The following ZMAT5 variants were observed in gnomAD, a reference collection of about 807,000 sequenced individuals.
The protein encoded by ZMAT5 is zinc finger matrin-type 5.
A neutral mutation model predicts 28.0 loss-of-function variants in ZMAT5; 23 were observed. The ratio of observed to expected loss-of-function variants is 0.82; its 90% CI spans 0.59 to 1.16. The LOEUF (loss-of-function observed/expected upper bound fraction) is 1.16, where lower values mean the gene tolerates loss of function less well. Among genes scored for constraint, ZMAT5 ranks in the 50% most tolerant of loss-of-function variants. The pLI is 0.00. For missense variants in ZMAT5, 173 were observed against 212.7 expected (o/e 0.81, Z 1.16); for synonymous variants, 76 against 84.1 (o/e 0.90, Z 0.52).
chr22:29,734,128 TG>T (rs2067881357), intron 5 of ZMAT5, among the ~76,000 whole-genome samples: 1 of 152,272 alleles, frequency 6.6e-6, no homozygotes, highest in South Asian at 2.1e-4. Context: ...AGTCGCAAAC[TG>T]AAGAGCCAAC....
At chr22:29,747,365 C>T (rs547995485) in intron 2 of ZMAT5, 21 of 152,380 alleles carry the variant, frequency 1.4e-4, no homozygotes, top group African/African-American at 3.6e-4. Context: ...AATCTTCCCA[C>T]CTCAGTGTCC....
Position 29,731,163 on chromosome 22 carries a change from T to C in ZMAT5, c.*62A>G. The C allele has an allele frequency of 7.0e-7, 1 of 1,435,308 alleles. No individual in the cohort carries two copies. The highest frequency in any genetic ancestry group is 1.6e-5 in the South Asian group (1 of 61,088). The allele number at this position is 1,435,308 out of a possible 1,614,324, so 88.9% of individuals were successfully genotyped here. ...CATGGGGCGTAGCAGGAACCGGGCT[T>C]GGCTTCCTATTGTGACTGATGAGAA... On this transcript the variant is annotated 3_prime_UTR_variant, in exon 6 of 6. Coordinates refer to ENST00000344318, the MANE Select transcript of ZMAT5 (RefSeq NM_001003692.2).
chr22:29,754,862 C>A (rs1480723554), intron 1 of ZMAT5, among the ~76,000 whole-genome samples: 1 of 152,230 alleles, frequency 6.6e-6, no homozygotes, highest in East Asian at 1.9e-4. Flanking sequence ...GTGACAGAGA[C>A]CCTGTCTCAA....
chr22:29,738,018 C>G (rs2067922881), intron 5 of ZMAT5, among the ~76,000 whole-genome samples: 1 of 152,020 alleles, frequency 6.6e-6, no homozygotes, highest in Non-Finnish European at 1.5e-5. Context: ...TGCATGGTGA[C>G]CACAGCCCAG....
At chr22:29,765,144 C>G (rs131289) in intron 1 of ZMAT5, among the ~76,000 whole-genome samples, 40,366 of 152,048 alleles carry the variant, frequency 0.27, 6,813 homozygotes, top group Non-Finnish European at 0.39. Flanking sequence ...GTCAGCTGGA[C>G]GCGGTGGCTC....
At chr22:29,764,477 CAGAGCCAGGCCT>C (rs1400314000) in intron 1 of ZMAT5, among the ~76,000 whole-genome samples, 17 of 152,154 alleles carry the variant, frequency 1.1e-4, no homozygotes, top group Non-Finnish European at 2.5e-4. Flanking sequence ...GAGTCAGAGG[CAGAGCCAGGCCT>C]GCAATCCAAT....
At chr22:29,760,187 C>T (rs529627733) in intron 1 of ZMAT5, among the ~76,000 whole-genome samples, 3 of 148,848 alleles carry the variant, frequency 2.0e-5, no homozygotes, top group East Asian at 4.0e-4. Flanking sequence ...GGCAACAGAG[C>T]GAGATTCCGT....
chr22:29,741,341 A>G (rs1237992096), intron 3 of ZMAT5, among the ~76,000 whole-genome samples: 1 of 152,132 alleles, frequency 6.6e-6, no homozygotes, highest in Non-Finnish European at 1.5e-5. Flanking sequence ...CATCAAGGCA[A>G]AGTCTGTAGG....
At chr22:29,752,238 C>G (rs2068061311) in intron 1 of ZMAT5, among the ~76,000 whole-genome samples, 1 of 152,194 alleles carries the variant, frequency 6.6e-6, no homozygotes, top group East Asian at 1.9e-4. Context: ...GTCCCAAACA[C>G]CAGCCCACCA....
chr22:29,731,635 A>C, intron 5 of ZMAT5: 4 of 387,364 alleles, frequency 1.0e-5, no homozygotes, highest in Non-Finnish European at 1.8e-5. Flanking sequence ...TTCAATACAT[A>C]TGCACGTCCA....
chr22:29,752,134 C>G (rs2068060525), intron 1 of ZMAT5, among the ~76,000 whole-genome samples: 1 of 152,124 alleles, frequency 6.6e-6, no homozygotes, highest in Non-Finnish European at 1.5e-5. Context: ...ATGAGGGGCC[C>G]CAGCTCACAC....
At chr22:29,743,596 A>G (rs1601720545) in intron 2 of ZMAT5, among the ~76,000 whole-genome samples, 1 of 151,886 alleles carries the variant, frequency 6.6e-6, no homozygotes, top group Admixed American at 6.6e-5. Flanking sequence ...ATGCCCGGCT[A>G]ATTTTTTAAT....
At chr22:29,751,782 T>C (rs1056252456) in intron 1 of ZMAT5, among the ~76,000 whole-genome samples, 1 of 152,032 alleles carries the variant, frequency 6.6e-6, no homozygotes, top group Non-Finnish European at 1.5e-5. Context: ...GCCTGGGCAA[T>C]AGAGTGAAAC....
intron 1 of ZMAT5, among the ~76,000 whole-genome samples, chr22:29,754,601 T>C (rs1935182585): frequency 6.6e-6 from 1 of 152,206 alleles, no homozygotes; most frequent in African/African-American, 2.4e-5. Context: ...CCAGCTGCAA[T>C]GGCTCAGGCC....
At chr22:29,731,414 C>T (rs2067842695) in intron 5 of ZMAT5, 60 bp from the exon 6 acceptor site, 2 of 1,510,938 alleles carry the variant, frequency 1.3e-6, no homozygotes, top group Middle Eastern at 1.7e-4. Context: ...GCTTATGCCA[C>T]CCCCAGCCCA....
At chr22:29,754,748 C>T (rs534597621) in intron 1 of ZMAT5, among the ~76,000 whole-genome samples, 1 of 152,136 alleles carries the variant, frequency 6.6e-6, no homozygotes, top group South Asian at 2.1e-4. Context: ...GTGGTACATA[C>T]CTGTAGTCCC....
At chr22:29,760,796 G>GCATCAA (rs2068149997) in intron 1 of ZMAT5, among the ~76,000 whole-genome samples, 1 of 152,072 alleles carries the variant, frequency 6.6e-6, no homozygotes, top group African/African-American at 2.4e-5. Flanking sequence ...TCACTGAAGT[G>GCATCAA]GTAATCCAAC....
At chr22:29,766,767 AC>A (rs2068217638) in intron 1 of ZMAT5, 104 bp downstream of exon 1, 1 of 152,532 alleles carries the variant, frequency 6.6e-6, no homozygotes, top group African/African-American at 2.4e-5. Flanking sequence ...GGTGCAGGGG[AC>A]AAGGCGAAGA....
intron 1 of ZMAT5, among the ~76,000 whole-genome samples, chr22:29,763,292 C>CAATAAATAAATAAATAAATAAATA (rs201954354): frequency 0.031 from 4,422 of 140,536 alleles, 112 homozygotes; most frequent in Non-Finnish European, 0.045. Context: ...GACTCTGCCT[C>CAATAAATAAATAAATAAATAAATA]AATAAATAAA....
Sources: allele counts gnomAD v4.1 joint callset (sites outside exome capture counted in the v4.1 genomes callset), GRCh38; gene constraint gnomAD v4.1.1; transcripts MANE v1.5; gene names NCBI Gene and HGNC (gene_info 2026-07-23, HGNC 2026-07-21).